LRRC63: variants seen among roughly 807,000 people sequenced by gnomAD.
LRRC63 encodes leucine-rich repeat-containing protein 63.
Under a neutral mutation model 49.5 loss-of-function variants are expected in LRRC63, and 40 were observed. The ratio of observed to expected loss-of-function variants is 0.81; its 90% CI spans 0.63 to 1.05. LRRC63 has a LOEUF of 1.05. LRRC63 is among the 50% of genes least tolerant of loss of function. The probability of loss-of-function intolerance (pLI) is 0.00; values close to 1 mark genes in which losing one functional copy is unlikely to be tolerated. For synonymous variants in LRRC63, 191 were observed against 221.1 expected (o/e 0.86, Z 1.21); for missense variants, 636 against 663.1 (o/e 0.96, Z 0.45).
chr13:46,220,522 G>T (rs2046374702), intron 2 of LRRC63, among the ~76,000 whole-genome samples: 1 of 152,138 alleles, frequency 6.6e-6, no homozygotes, highest in East Asian at 1.9e-4. Context: ...CAAGCCAGTG[G>T]ATTAGCTTGC....
chr13:46,277,094 G>C (rs1045382980), exon 10 of LRRC63: 1 of 151,688 alleles, frequency 6.6e-6, no homozygotes, highest in African/African-American at 2.4e-5. Flanking sequence ...CTTTAGATTT[G>C]AATAAAGCTC....
At chr13:46,231,815 CTTTT>C (rs1295050179) in intron 4 of LRRC63, among the ~76,000 whole-genome samples, 1 of 133,468 alleles carries the variant, frequency 7.5e-6, no homozygotes, top group Non-Finnish European at 1.6e-5. Flanking sequence ...CTGCCACACA[CTTTT>C]TTTTTTTTTT....
chr13:46,223,484 GTT>G (rs75553094), intron 2 of LRRC63, among the ~76,000 whole-genome samples: 6 of 131,630 alleles, frequency 4.6e-5, no homozygotes, highest in Admixed American at 7.4e-5. Flanking sequence ...AGTTTTTTTT[GTT>G]TTTTTTTTTT....
At chr13:46,270,534 G>A (rs1030128970) in intron 9 of LRRC63, 1 of 823,060 alleles carries the variant, frequency 1.2e-6, no homozygotes, top group Non-Finnish European at 2.2e-6. Flanking sequence ...TTTGAAGAAA[G>A]TAAAAACATA....
At chr13:46,217,617 T>C (rs2046289793) in intron 2 of LRRC63, among the ~76,000 whole-genome samples, 1 of 152,240 alleles carries the variant, frequency 6.6e-6, no homozygotes, top group Non-Finnish European at 1.5e-5. Flanking sequence ...TCAGTTCTGC[T>C]CTGATCTTAG....
intron 2 of LRRC63, among the ~76,000 whole-genome samples, 170 bp downstream of exon 2, chr13:46,213,289 T>C (rs1221628362): frequency 6.6e-6 from 1 of 152,260 alleles, no homozygotes; most frequent in East Asian, 1.9e-4. Context: ...CTGATACTTA[T>C]TGGTGGACTT....
intron 8 of LRRC63, among the ~76,000 whole-genome samples, chr13:46,265,615 C>T (rs1165643678): frequency 2.0e-5 from 3 of 152,214 alleles, no homozygotes; most frequent in Non-Finnish European, 4.4e-5. Context: ...GATCTAGTCA[C>T]CTCCTAAAGG....
intron 2 of LRRC63, among the ~76,000 whole-genome samples, chr13:46,220,920 C>T (rs986332256): frequency 3.9e-5 from 6 of 152,146 alleles, no homozygotes; most frequent in Admixed American, 1.3e-4. Context: ...TGCTTTGGCT[C>T]GCCCTCCATA....
At chr13:46,216,208 A>G (rs531315883) in intron 2 of LRRC63, among the ~76,000 whole-genome samples, 55 of 152,358 alleles carry the variant, frequency 3.6e-4, no homozygotes, top group African/African-American at 1.3e-3. Context: ...TACTTTGGGC[A>G]GTATGGCCAT....
At chr13:46,219,180 A>G (rs977738716) in intron 2 of LRRC63, among the ~76,000 whole-genome samples, 74 of 152,128 alleles carry the variant, frequency 4.9e-4, no homozygotes, top group African/African-American at 1.6e-3. Context: ...CTCCTGGATA[A>G]TATCCTGCAG....
Position 46,212,859 on chromosome 13 carries a change from C to CT in LRRC63, c.-33-134dup, listed in dbSNP as rs202111793. 6.0e-3 allele frequency: 3,003 copies of CT among 497,164 alleles called. 6 individuals carry two copies. Among genetic ancestry groups the CT allele is most frequent in the South Asian group, 0.019 (623 of 32,540 alleles). 30.8% of individuals were successfully genotyped at this position (497,164 alleles called of 1,614,324 possible). Reference sequence around the variant, plus strand: ...TTTTAAAGAATTATTTTCTTACCCTCTTTTTTTTTCATAAAGGAATTCTGC... The same window carrying CT: ...TTTTAAAGAATTATTTTCTTACCCTCTTTTTTTTTTCATAAAGGAATTCTGC... On this transcript the variant is annotated intron_variant, in intron 1 of 9. Transcript: ENST00000595396.
intron 4 of LRRC63, 52 bp from the exon 5 acceptor site, chr13:46,234,140 C>A: frequency 6.8e-7 from 1 of 1,460,920 alleles, no homozygotes; most frequent in African/African-American, 1.4e-5. Flanking sequence ...AACTTTCATT[C>A]TAAGTGATAA....
chr13:46,267,649 C>G (rs920216904), intron 9 of LRRC63, among the ~76,000 whole-genome samples: 2 of 152,132 alleles, frequency 1.3e-5, no homozygotes, highest in African/African-American at 4.8e-5. Context: ...AGCCTAGTAA[C>G]TATTGGAGAA....
intron 6 of LRRC63, among the ~76,000 whole-genome samples, chr13:46,247,444 T>A (rs1160387888): frequency 6.6e-6 from 1 of 152,132 alleles, no homozygotes; most frequent in East Asian, 1.9e-4. Context: ...CAGATAATAT[T>A]TGTGTATCTG....
Position 46,269,906 on chromosome 13 carries a change from C to CATATATATATATAT in LRRC63, c.1550+2936_1550+2949dup, listed in dbSNP as rs149054055. 9.8e-3 allele frequency among the ~76,000 whole-genome samples: 1,423 copies of CATATATATATATAT among 145,566 alleles called. 15 individuals are homozygous for CATATATATATATAT. Among genetic ancestry groups the CATATATATATATAT allele is most frequent in the Middle Eastern group, 0.018 (5 of 278 alleles). ...GTATAGATATAGTAGACACTATATA[C>CATATATATATATAT]ATATATATATATATAGTAGTCATCC... On this transcript the variant is annotated intron_variant, in intron 9 of 9. Transcript: ENST00000595396.
intron 6 of LRRC63, among the ~76,000 whole-genome samples, chr13:46,247,220 G>C (rs569144629): frequency 6.6e-6 from 1 of 152,140 alleles, no homozygotes; most frequent in South Asian, 2.1e-4. Flanking sequence ...TTTGGCAAAT[G>C]TATTTTCTTC....
chr13:46,229,142 G>C (rs1039291295), intron 4 of LRRC63, among the ~76,000 whole-genome samples: 4 of 151,774 alleles, frequency 2.6e-5, no homozygotes, highest in Non-Finnish European at 4.4e-5. Flanking sequence ...ACAATTACCA[G>C]GCACACAAAG....
exon 3 of LRRC63, chr13:46,227,948 G>C (rs528014990): frequency 6.4e-7 from 1 of 1,550,634 alleles, no homozygotes; most frequent in Non-Finnish European, 8.7e-7. Context: ...TTGAGAAAAT[G>C]CACCCTAAGC....
chr13:46,243,292 C>T lies in LRRC63; in HGVS notation c.991-3235C>T, dbSNP rs76574882. On this transcript the variant is annotated intron_variant, in intron 5 of 9. Transcript: ENST00000595396. ...TGTTTTTTGTAAGCCTCATGGTAAC[C>T]TCAAAGCATAAACCTGTAATAGCAC... 5.4e-3 allele frequency among the ~76,000 whole-genome samples: 825 copies of T among 152,166 alleles called. 19 individuals are homozygous for T. Among genetic ancestry groups the T allele is most frequent in the Admixed American group, 0.046 (706 of 15,276 alleles).
Sources: allele counts gnomAD v4.1 joint callset (sites outside exome capture counted in the v4.1 genomes callset), GRCh38; gene constraint gnomAD v4.1.1; transcripts MANE v1.5; gene names NCBI Gene and HGNC (gene_info 2026-07-23, HGNC 2026-07-21).